Variants in LMBR1 observed in about 807,000 individuals in gnomAD.
LMBR1 encodes the protein limb region 1 protein homolog.
Under a neutral mutation model 73.9 loss-of-function variants are expected in LMBR1, and 52 were observed. The observed-to-expected ratio is 0.70, with a 90% CI of 0.56 to 0.89. LMBR1 has a LOEUF of 0.89. Ranked by LOEUF, LMBR1 falls within the 40% of genes least tolerant of loss-of-function variation. LMBR1 has a pLI of 0.00. For missense variants in LMBR1, 539 were observed against 579.8 expected (o/e 0.93, Z 0.72); for synonymous variants, 215 against 209.4 (o/e 1.03, Z -0.23).
chr7:156,852,897 TA>T (rs1225606243), intron 1 of LMBR1, among the ~76,000 whole-genome samples: 1 of 151,894 alleles, frequency 6.6e-6, no homozygotes, highest in Non-Finnish European at 1.5e-5. Context: ...AGCACAGAAG[TA>T]ATTACATATA....
rs1379135669 is a variant in LMBR1, at chr7:156,763,168, C to T, written c.559G>A (p.Glu187Lys). 7.5e-7 allele frequency: 1 copy of T among 1,331,178 alleles called. No individual in the cohort carries two copies. Among genetic ancestry groups the T allele is most frequent in the East Asian group, 2.4e-5 (1 of 41,532 alleles). The allele number at this position is 1,331,178 out of a possible 1,614,324, so 82.5% of individuals were successfully genotyped here. A position where few individuals can be genotyped will look rare whatever the true frequency, so the allele number is the denominator to read the frequency against. ...GAATATAAATAGGGTAGATAGAACT[C>T]CCAGAGATCTATTAAAAAAAAGTAA... ...ASMESLYDLW[E>K]FYLPYLYSCI... Residue 187 changes from glutamate to lysine, a missense_variant, in exon 7 of 17, where the codon GAG (glutamate) becomes AAG (lysine). Glu to Lys is a moderately conservative substitution (Grantham distance 56). Around this residue, in one of 3 missense-constraint regions of LMBR1, gnomAD observed 454 missense variants for 473.4 expected, o/e 0.96. Transcript: ENST00000353442.
chr7:156,715,834 C>T (rs1027520517), intron 15 of LMBR1, among the ~76,000 whole-genome samples: 1 of 152,188 alleles, frequency 6.6e-6, no homozygotes. Context: ...CAACGATGGA[C>T]ACTTTGATTG....
At chr7:156,702,554 T>C (rs1433310365) in intron 15 of LMBR1, among the ~76,000 whole-genome samples, 2 of 152,208 alleles carry the variant, frequency 1.3e-5, no homozygotes, top group African/African-American at 2.4e-5. Context: ...TTTTCTCCCA[T>C]TGTGTAGGCT....
chr7:156,842,013 AAGG>A (rs1415862346), intron 1 of LMBR1, among the ~76,000 whole-genome samples: 11 of 141,246 alleles, frequency 7.8e-5, no homozygotes, highest in African/African-American at 2.5e-4. Context: ...CATAAATAAA[AAGG>A]AGGAGAACAA....
chr7:156,746,113 T>A (rs978528638), intron 9 of LMBR1, among the ~76,000 whole-genome samples: 8 of 152,338 alleles, frequency 5.3e-5, no homozygotes, highest in East Asian at 1.9e-4. Flanking sequence ...TTTTCAGGTG[T>A]CTTTGAATCA....
intron 1 of LMBR1, among the ~76,000 whole-genome samples, chr7:156,868,681 AGTGGCTAGGTGAG>A (rs1007461715): frequency 6.6e-5 from 10 of 151,342 alleles, no homozygotes; most frequent in Admixed American, 5.9e-4. Flanking sequence ...AAAGGCTTGC[AGTGGCTAGGTGAG>A]GTGGCTCACA....
In LMBR1 at chr7:156,681,305, C is replaced by G. The variant is rs886062111; in HGVS notation, c.*2773G>C. ...GCCTTTAACACATCTGAGAGCAAAA[C>G]GCGAGAGGCTCCGTCCATCTCTACT... On this transcript the variant is annotated 3_prime_UTR_variant, in exon 17 of 17. Coordinates refer to ENST00000353442, the MANE Select transcript of LMBR1 (RefSeq NM_022458.4). 2 of 376,700 alleles carry G rather than the reference C, an allele frequency of 5.3e-6. No individual in the cohort carries two copies. The highest frequency in any genetic ancestry group is 4.3e-5 in the African/African-American group (2 of 46,256). The allele number at this position is 376,700 out of a possible 1,614,324, so 23.3% of individuals were successfully genotyped here.
At chr7:156,787,109 T>C (rs536779752) in intron 5 of LMBR1, among the ~76,000 whole-genome samples, 4 of 152,264 alleles carry the variant, frequency 2.6e-5, no homozygotes, top group African/African-American at 2.4e-5. Flanking sequence ...CCTCTATCAA[T>C]GGGCAAGGTG....
chr7:156,722,877 T>C (rs925878090), intron 15 of LMBR1, among the ~76,000 whole-genome samples: 23 of 152,160 alleles, frequency 1.5e-4, no homozygotes, highest in African/African-American at 4.8e-4. Flanking sequence ...TAGCAATCAA[T>C]CTTAAATAAT....
intron 1 of LMBR1, among the ~76,000 whole-genome samples, chr7:156,843,087 T>C (rs1320670327): frequency 6.6e-6 from 1 of 152,164 alleles, no homozygotes; most frequent in African/African-American, 2.4e-5. Flanking sequence ...ATGCAGCAAC[T>C]TCTGTCAGCA....
chr7:156,731,983 T>C (rs926340780), intron 10 of LMBR1, among the ~76,000 whole-genome samples: 4 of 151,374 alleles, frequency 2.6e-5, no homozygotes, highest in Middle Eastern at 3.2e-3. Flanking sequence ...ACAACATTAT[T>C]TGTAACAGCA....
chr7:156,854,122 G>A lies in LMBR1; in HGVS notation c.67-17237C>T, dbSNP rs140446253. On this transcript the variant is annotated intron_variant, in intron 1 of 16. Transcript: ENST00000353442. ...CTTGGAAGTCATCTTTCCCATCCTC[G>A]TAACAAGAAAAAAACTGAACAAACT... Among the ~76,000 whole-genome samples, 616 of 152,152 alleles carry A rather than the reference G, an allele frequency of 4.0e-3. 4 individuals carry two copies. Among genetic ancestry groups the A allele is most frequent in the African/African-American group, 0.014 (587 of 41,514 alleles).
At chr7:156,799,449 T>C (rs1830574908) in intron 4 of LMBR1, among the ~76,000 whole-genome samples, 1 of 152,218 alleles carries the variant, frequency 6.6e-6, no homozygotes, top group African/African-American at 2.4e-5. Flanking sequence ...TGATCTTTGA[T>C]GTTACTATGT....
downstream of LMBR1, among the ~76,000 whole-genome samples, chr7:156,676,055 G>A (rs1585139983): frequency 6.6e-6 from 1 of 151,864 alleles, no homozygotes; most frequent in South Asian, 2.1e-4. Flanking sequence ...AAGCCTAGGA[G>A]TGTCAGTCCC....
rs757756062 is a variant in LMBR1 at position 156,684,081 on chromosome 7, C to T, written c.1470G>A (p.Leu490=). ...CAGAAGACGCCGTCTGTGCGTCTCA[C>T]AGTGCTTTCTGATGCCCATTTACAG... is the stretch of plus-strand genomic sequence containing the variant. ...KPSVNGHQKA[L] Residue 490 remains leucine, a synonymous_variant, in exon 17 of 17, where the codon CTG becomes CTA. Coordinates refer to ENST00000353442, the MANE Select transcript of LMBR1 (RefSeq NM_022458.4). The T allele has an allele frequency of 3.1e-6, 5 of 1,612,970 alleles. No individual in the cohort carries two copies. The highest frequency in any genetic ancestry group is 2.7e-5 in the African/African-American group (2 of 74,884).
At chr7:156,691,113 C>T (rs1282654170) in intron 15 of LMBR1, among the ~76,000 whole-genome samples, 1 of 152,098 alleles carries the variant, frequency 6.6e-6, no homozygotes, top group Non-Finnish European at 1.5e-5. Flanking sequence ...AGTAATACTA[C>T]TATTAAAAGC....
chr7:156,844,071 C>T (rs1272764512), intron 1 of LMBR1, among the ~76,000 whole-genome samples: 1 of 151,942 alleles, frequency 6.6e-6, no homozygotes, highest in Non-Finnish European at 1.5e-5. Context: ...CACCGGTAAT[C>T]CCAGTACTTT....
At chr7:156,695,877 A>AAAG (rs200364968) in intron 15 of LMBR1, among the ~76,000 whole-genome samples, 2 of 152,160 alleles carry the variant, frequency 1.3e-5, no homozygotes, top group African/African-American at 4.8e-5. Context: ...GAAAAAAAAA[A>AAAG]AGAGAGAGCA....
At chr7:156,779,759 T>C in intron 5 of LMBR1, 1 of 1,150,098 alleles carries the variant, frequency 8.7e-7, no homozygotes, top group Middle Eastern at 2.3e-4. Context: ...AACCACTTCA[T>C]ACACTATGTC....
Sources: gnomAD v4.1 joint callset for allele counts (sites outside exome capture counted in the v4.1 genomes callset) on GRCh38, gnomAD v4.1.1 for gene constraint, gnomAD v4.1.1 regional missense constraint, MANE v1.5 for transcripts, NCBI Gene and HGNC (gene_info 2026-07-23, HGNC 2026-07-21) for gene names.